The following SEL1L3 variants were observed in gnomAD, a reference collection of about 807,000 sequenced individuals.
SEL1L3 encodes SEL1L family member 3.
In SEL1L3, 76 loss-of-function variants were observed where a neutral mutation model predicts 142.8. The ratio of observed to expected loss-of-function variants is 0.53; its 90% confidence interval spans 0.44 to 0.64. The LOEUF (loss-of-function observed/expected upper bound fraction) is 0.64. Among genes scored for constraint, SEL1L3 ranks in the 30% least tolerant of loss-of-function variants. The pLI is 0.00. For missense variants in SEL1L3, 1,262 were observed against 1,381.7 expected, an observed-to-expected ratio of 0.91 and a Z score of 1.37; for synonymous variants, 504 against 519.6, an observed-to-expected ratio of 0.97 and a Z score of 0.41.
intron 7 of SEL1L3, 130 bp from the exon 8 acceptor site, chr4:25,820,070 A>G: frequency 1.3e-6 from 1 of 785,784 alleles, no homozygotes; most frequent in Non-Finnish European, 2.0e-6. Context: ...TACACATATC[A>G]TCCACTCTGG....
Position 25,791,366 on chromosome 4 carries a change from A to C in SEL1L3, c.1957-792T>G, listed in dbSNP as rs372181037. Among the ~76,000 whole-genome samples, 69 of 152,240 alleles carry C rather than the reference A, an allele frequency of 4.5e-4. 1 individual carries two copies. Among genetic ancestry groups the C allele is most frequent in the African/African-American group, 1.5e-3 (62 of 41,460 alleles). On this transcript the variant is annotated intron_variant, in intron 11 of 23. Transcript: ENST00000399878. ...AAGGGAAAGTTCACAAAATGTTTAG[A>C]ATTTGCACACAGCCTCCCAGGTATC...
intron 6 of SEL1L3, among the ~76,000 whole-genome samples, chr4:25,828,652 T>C (rs1715246351): frequency 1.3e-5 from 2 of 152,156 alleles, no homozygotes; most frequent in African/African-American, 2.4e-5. Flanking sequence ...CCTGAAGTGC[T>C]GGGATTACAG....
chr4:25,744,213 C>A (rs1011690967), downstream of SEL1L3, among the ~76,000 whole-genome samples: 1 of 152,064 alleles, frequency 6.6e-6, no homozygotes, highest in Non-Finnish European at 1.5e-5. Flanking sequence ...GTGGTAAGGG[C>A]TGAATTGTGT....
intron 6 of SEL1L3, among the ~76,000 whole-genome samples, chr4:25,825,383 T>C (rs1715023931): frequency 6.6e-6 from 1 of 152,196 alleles, no homozygotes; most frequent in Non-Finnish European, 1.5e-5. Context: ...AGCTAGACTC[T>C]TCCAAAGCCC....
intron 8 of SEL1L3, among the ~76,000 whole-genome samples, chr4:25,818,659 G>A (rs139366754): frequency 2.6e-5 from 4 of 152,302 alleles, no homozygotes; most frequent in African/African-American, 9.6e-5. Context: ...CCACCAAACA[G>A]ATGGGTGTGC....
At chr4:25,746,763 C>T (rs991704273), downstream of SEL1L3, among the ~76,000 whole-genome samples, 2 of 151,698 alleles carry the variant, frequency 1.3e-5, no homozygotes, top group Non-Finnish European at 2.9e-5. Flanking sequence ...TAGCTGTCAG[C>T]GCCTTGTTTC....
Position 25,862,720 on chromosome 4 carries a change from G to A in SEL1L3, c.117C>T (p.Gly39=), listed in dbSNP as rs1487308937. ...GCGCGCAGGCAGAGCGGCCGCCGAG[G>A]CCCTGGGGGACGCCGCCACTCGGGA... ...AMVPSGGVPQ[G]LGGRSACALL... The change falls in exon 1 of 24, where the codon GGC becomes GGT. Residue 39 remains glycine, a synonymous_variant. Coordinates refer to ENST00000399878, the MANE Select transcript of SEL1L3 (RefSeq NM_015187.5). The A allele has an allele frequency of 4.7e-6, 6 of 1,287,012 alleles. No homozygotes were observed. Among genetic ancestry groups the A allele is most frequent in the Non-Finnish European group, 5.9e-6 (6 of 1,015,240 alleles). 79.7% of individuals were successfully genotyped at this position (1,287,012 alleles called of 1,614,324 possible).
chr4:25,722,956 G>T, the SEL1L3 span, among the ~76,000 whole-genome samples: 1 of 152,142 alleles, frequency 6.6e-6, no homozygotes, highest in South Asian at 2.1e-4. Context: ...AGGAGAAGGG[G>T]TTAATGAACC....
the SEL1L3 span, among the ~76,000 whole-genome samples, chr4:25,729,738 A>G: frequency 6.6e-6 from 1 of 152,008 alleles, no homozygotes; most frequent in Non-Finnish European, 1.5e-5. Flanking sequence ...AACAAAACAT[A>G]TATTTAGCCA....
At chr4:25,787,207 T>C (rs1487078327) in intron 13 of SEL1L3, among the ~76,000 whole-genome samples, 4 of 152,222 alleles carry the variant, frequency 2.6e-5, no homozygotes, top group South Asian at 2.1e-4. Flanking sequence ...TGTCTCCATG[T>C]AAATGAACAG....
At chr4:25,825,145 G>T (rs1256544292) in intron 6 of SEL1L3, among the ~76,000 whole-genome samples, 1 of 152,144 alleles carries the variant, frequency 6.6e-6, no homozygotes, top group African/African-American at 2.4e-5. Context: ...TGCATTAACT[G>T]AGTTTTTCAA....
downstream of SEL1L3, among the ~76,000 whole-genome samples, chr4:25,746,531 A>AATAT (rs376998677): frequency 1.6e-3 from 189 of 119,272 alleles, 1 homozygote; most frequent in African/African-American, 5.1e-3. Flanking sequence ...TATATATTTA[A>AATAT]ATATATATAT....
chr4:25,714,004 C>A, the SEL1L3 span, among the ~76,000 whole-genome samples: 3 of 152,074 alleles, frequency 2.0e-5, no homozygotes, highest in Non-Finnish European at 4.4e-5. Flanking sequence ...CACACGTGAA[C>A]CACCAGTGAT....
chr4:25,742,511 T>A (rs1165635507), downstream of SEL1L3, among the ~76,000 whole-genome samples: 1 of 152,042 alleles, frequency 6.6e-6, no homozygotes, highest in African/African-American at 2.4e-5. Context: ...TTGGCCAGGC[T>A]GGTCTCAAAC....
rs1715534918 is a variant in SEL1L3 at position 25,832,929 on chromosome 4, T to C, written c.1098+66A>G. On this transcript the variant is annotated intron_variant, in intron 5 of 23. Coordinates refer to ENST00000399878, the MANE Select transcript of SEL1L3 (RefSeq NM_015187.5). ...TGCAGATTTTGTTGCTCCCCGGCTT[T>C]ATAGCAATGCTTAACTTTAAGCGAA... is the stretch of plus-strand genomic sequence containing the variant. 4 of 998,662 alleles carry C rather than the reference T, an allele frequency of 4.0e-6. No homozygotes were observed. The South Asian group carries it at 4.1e-5, about 10-fold the overall frequency. The allele number at this position is 998,662 out of a possible 1,614,324, so 61.9% of individuals were successfully genotyped here. A position where few individuals can be genotyped will look rare whatever the true frequency, so the allele number is the denominator to read the frequency against.
intron 3 of SEL1L3, 126 bp from the exon 4 acceptor site, chr4:25,833,695 T>A (rs1313893004): frequency 2.9e-5 from 22 of 747,854 alleles, no homozygotes; most frequent in Non-Finnish European, 4.5e-5. Flanking sequence ...TTCGCGTTCA[T>A]CATGGGAGAT....
At chr4:25,833,415 AAT>A in intron 4 of SEL1L3, 31 bp downstream of exon 4, 1 of 1,591,494 alleles carries the variant, frequency 6.3e-7, no homozygotes, top group Non-Finnish European at 8.6e-7. Context: ...ACAAAATTAC[AAT>A]ATCATTTTAA....
intron 13 of SEL1L3, among the ~76,000 whole-genome samples, chr4:25,786,578 C>T (rs902526581): frequency 6.6e-6 from 1 of 152,076 alleles, no homozygotes; most frequent in African/African-American, 2.4e-5. Context: ...GGCCTCCACT[C>T]TGGTGGACAG....
intron 1 of SEL1L3, among the ~76,000 whole-genome samples, chr4:25,856,507 C>T (rs372636989): frequency 3.3e-5 from 5 of 151,514 alleles, no homozygotes; most frequent in East Asian, 3.9e-4. Context: ...GATGTGAGCC[C>T]TCATCAAAGT....
Sources: allele counts gnomAD v4.1 joint callset (sites outside exome capture counted in the v4.1 genomes callset), GRCh38; gene constraint gnomAD v4.1.1; transcripts MANE v1.5; gene names NCBI Gene and HGNC (gene_info 2026-07-23, HGNC 2026-07-21).